NAALADL2: variants seen among roughly 807,000 people sequenced by gnomAD.
NAALADL2 encodes the protein N-acetylated alpha-linked acidic dipeptidase like 2, also known as inactive N-acetylated-alpha-linked acidic dipeptidase-like protein 2.
In NAALADL2, 76 loss-of-function variants were observed where a neutral mutation model predicts 87.2. That is an observed-to-expected ratio of 0.87 (90% CI 0.72 to 1.05). NAALADL2 has a LOEUF of 1.05. Among genes scored for constraint, NAALADL2 ranks in the 50% least tolerant of loss-of-function variants. The pLI is 0.00. For synonymous variants in NAALADL2, 354 were observed against 331.0 expected (o/e 1.07, Z -0.75); for missense variants, 1,089 against 945.8 (o/e 1.15, Z -1.99).
chr3:174,641,245 G>A (rs1039867836), intron 2 of NAALADL2, among the ~76,000 whole-genome samples: 1 of 152,132 alleles, frequency 6.6e-6, no homozygotes, highest in Non-Finnish European at 1.5e-5. Context: ...AGGACCGCGG[G>A]CCTCGGTTGA....
intron 13 of NAALADL2, among the ~76,000 whole-genome samples, chr3:175,770,649 A>C (rs1275817463): frequency 6.6e-6 from 1 of 152,196 alleles, no homozygotes. Flanking sequence ...TGTGCCAGGT[A>C]CAGTGCCTCC....
intron 11 of NAALADL2, among the ~76,000 whole-genome samples, chr3:175,735,590 T>A (rs577172312): frequency 7.9e-5 from 12 of 152,260 alleles, no homozygotes; most frequent in South Asian, 4.1e-4. Context: ...GCAAGTCACA[T>A]CTTTCATGGA....
At chr3:174,713,571 T>C (rs1220578944) in intron 2 of NAALADL2, among the ~76,000 whole-genome samples, 1 of 152,202 alleles carries the variant, frequency 6.6e-6, no homozygotes, top group Non-Finnish European at 1.5e-5. Flanking sequence ...TGAGTACTTT[T>C]TCATGTGTCT....
intron 4 of NAALADL2, among the ~76,000 whole-genome samples, chr3:175,290,425 G>T (rs184314960): frequency 1.3e-5 from 2 of 152,302 alleles, no homozygotes; most frequent in Non-Finnish European, 2.9e-5. Flanking sequence ...AAGTAGATCA[G>T]TGGTTTCCTA....
chr3:174,858,250 C>T (rs897354563), upstream of NAALADL2, among the ~76,000 whole-genome samples: 26 of 150,156 alleles, frequency 1.7e-4, no homozygotes, highest in African/African-American at 6.1e-4. Context: ...ACTAGTCTAA[C>T]TACAGCCAAA....
chr3:175,129,418 G>A (rs1421094934), intron 2 of NAALADL2, among the ~76,000 whole-genome samples: 1 of 152,156 alleles, frequency 6.6e-6, no homozygotes, highest in African/African-American at 2.4e-5. Context: ...GATCCCTGGA[G>A]CTCATTAATC....
intron 9 of NAALADL2, among the ~76,000 whole-genome samples, chr3:175,565,833 T>TCCCC (rs1717050538): frequency 7.8e-6 from 1 of 129,008 alleles, no homozygotes; most frequent in Non-Finnish European, 1.7e-5. Context: ...CCCCCCCTTT[T>TCCCC]TTTTTTTTTT....
intron 1 of NAALADL2, among the ~76,000 whole-genome samples, chr3:174,901,473 T>G (rs2108258867): frequency 6.6e-6 from 1 of 152,310 alleles, no homozygotes; most frequent in South Asian, 2.1e-4. Context: ...GGGGCTGGGC[T>G]TCTAGTAATC....
intron 5 of NAALADL2, among the ~76,000 whole-genome samples, chr3:175,423,047 ATATATTTT>A (rs777448098): frequency 6.1e-5 from 7 of 114,166 alleles, no homozygotes; most frequent in East Asian, 3.4e-4. Context: ...ATATATATAT[ATATATTTT>A]TTTTTTTTCC....
intron 3 of NAALADL2, among the ~76,000 whole-genome samples, chr3:174,833,363 A>G (rs572331104): frequency 6.6e-6 from 1 of 152,302 alleles, no homozygotes; most frequent in South Asian, 2.1e-4. Context: ...TCATAAAGAG[A>G]AAGAAAAACT....
intron 5 of NAALADL2, among the ~76,000 whole-genome samples, chr3:175,371,354 G>A (rs561312205): frequency 2.0e-5 from 3 of 151,814 alleles, no homozygotes; most frequent in East Asian, 2.0e-4. Flanking sequence ...TGCAAGCTCC[G>A]CCCCCCGGGT....
intron 9 of NAALADL2, among the ~76,000 whole-genome samples, chr3:175,516,133 G>T (rs114545088): frequency 0.01 from 1,540 of 152,306 alleles, 30 homozygotes; most frequent in African/African-American, 0.035. Context: ...TCTCAAAGCT[G>T]CATGGAATGT....
At chr3:174,969,255 A>G (rs900822734) in intron 1 of NAALADL2, among the ~76,000 whole-genome samples, 10 of 152,072 alleles carry the variant, frequency 6.6e-5, no homozygotes, top group Non-Finnish European at 1.5e-4. Flanking sequence ...CTTAAATGTC[A>G]TTGTCTCAGG....
intron 5 of NAALADL2, among the ~76,000 whole-genome samples, chr3:175,331,341 C>A (rs896351897): frequency 1.3e-5 from 2 of 152,086 alleles, no homozygotes; most frequent in Non-Finnish European, 2.9e-5. Context: ...GGCAAGAATG[C>A]AACAACAAGA....
chr3:174,539,542 T>C (rs1183902762), intron 1 of NAALADL2, among the ~76,000 whole-genome samples: 1 of 152,154 alleles, frequency 6.6e-6, no homozygotes, highest in African/African-American at 2.4e-5. Context: ...ATGACCTGCC[T>C]TTCTGGCGTT....
At chr3:175,711,222 A>G (rs1043199638) in intron 11 of NAALADL2, among the ~76,000 whole-genome samples, 6 of 151,900 alleles carry the variant, frequency 3.9e-5, no homozygotes, top group African/African-American at 1.4e-4. Context: ...TTGAAATTCT[A>G]TATGGCTTTC....
intron 3 of NAALADL2, among the ~76,000 whole-genome samples, chr3:174,829,212 CCACT>C (rs1560265708): frequency 1.3e-5 from 2 of 151,464 alleles, no homozygotes; most frequent in Admixed American, 6.6e-5. Flanking sequence ...TGCGCTGCAC[CCACT>C]AACTCGTCAT....
At chr3:175,153,815 T>A (rs1300355913) in intron 2 of NAALADL2, among the ~76,000 whole-genome samples, 5 of 152,156 alleles carry the variant, frequency 3.3e-5, no homozygotes, top group Non-Finnish European at 5.9e-5. Flanking sequence ...CCTTGGAAGC[T>A]TTTTCACTAG....
intron 1 of NAALADL2, among the ~76,000 whole-genome samples, chr3:175,090,565 GA>G (rs1263855196): frequency 1.7e-5 from 2 of 116,516 alleles, no homozygotes; most frequent in African/African-American, 6.1e-5. Flanking sequence ...TTTCACCAAT[GA>G]TTTTTTTTTT....
Sources: allele counts gnomAD v4.1 joint callset (sites outside exome capture counted in the v4.1 genomes callset), GRCh38; gene constraint gnomAD v4.1.1; transcripts MANE v1.5; gene names NCBI Gene and HGNC (gene_info 2026-07-23, HGNC 2026-07-21).